Variants in ARHGEF33 observed in about 807,000 individuals in gnomAD.
ARHGEF33 encodes DH and coiled-coil domain-containing protein ENSP00000381780.
A neutral mutation model predicts 101.9 loss-of-function variants in ARHGEF33; 72 were observed. The ratio of observed to expected loss-of-function variants is 0.71; its 90% confidence interval spans 0.58 to 0.86. ARHGEF33 has a LOEUF of 0.86. ARHGEF33 is among the 40% of genes least tolerant of loss of function. ARHGEF33 has a pLI of 0.00. For synonymous variants in ARHGEF33, 499 were observed against 442.5 expected (o/e 1.13, Z -1.60); for missense variants, 1,169 against 1,111.3 (o/e 1.05, Z -0.74).
chr2:38,896,783 C>A (rs1418846855), intron 2 of ARHGEF33, among the ~76,000 whole-genome samples: 1 of 152,200 alleles, frequency 6.6e-6, no homozygotes, highest in Non-Finnish European at 1.5e-5. Context: ...CAAACGTGAT[C>A]ATGACAGAAG....
chr2:38,916,006 G>A (rs944091346), intron 2 of ARHGEF33, among the ~76,000 whole-genome samples: 1 of 152,094 alleles, frequency 6.6e-6, no homozygotes, highest in African/African-American at 2.4e-5. Context: ...AGCCTGGGAA[G>A]AGCAAGACTC....
intron 7 of ARHGEF33, among the ~76,000 whole-genome samples, chr2:38,932,619 A>G (rs1254059549): frequency 6.6e-6 from 1 of 152,130 alleles, no homozygotes; most frequent in East Asian, 1.9e-4. Context: ...ATAGTATAGG[A>G]TAGGCTTAGA....
At chr2:38,894,178 A>G (rs1219221309) in intron 1 of ARHGEF33, among the ~76,000 whole-genome samples, 1 of 151,862 alleles carries the variant, frequency 6.6e-6, no homozygotes, top group African/African-American at 2.4e-5. Flanking sequence ...ACAAAAAACA[A>G]AAAAATTAGC....
chr2:38,924,691 G>C (rs74585063), intron 4 of ARHGEF33, among the ~76,000 whole-genome samples: 2,038 of 152,180 alleles, frequency 0.013, 51 homozygotes, highest in East Asian at 0.064. Flanking sequence ...TGTAATGTTT[G>C]CAAGAATATA....
chr2:38,958,308 C>A, intron 15 of ARHGEF33, 110 bp downstream of exon 15: 5 of 1,347,506 alleles, frequency 3.7e-6, no homozygotes, highest in Non-Finnish European at 5.0e-6. Flanking sequence ...CCCCATCAGG[C>A]CTATATGTGC....
intron 2 of ARHGEF33, among the ~76,000 whole-genome samples, chr2:38,905,041 A>T (rs1179764677): frequency 6.6e-6 from 1 of 152,188 alleles, no homozygotes; most frequent in Admixed American, 6.6e-5. Context: ...TGGCAGAGCT[A>T]GTGGAACCTG....
rs1271546895 is a variant in ARHGEF33, at chr2:38,973,720, TG to T, written c.2492del (p.Gly831AspfsTer53). On this transcript the variant is annotated frameshift_variant, in exon 18 of 18. Coordinates refer to ENST00000409978, the MANE Select transcript of ARHGEF33 (RefSeq NM_001145451.5). LOFTEE classifies it high-confidence loss of function. ...FRKLFKKKSS[G>X]SEYREKTNEN... ...CTGTGTGCTGAGATTTTAGGTCCAG[TG>T]GATCAGAATACAGGGAAAAAACTAA... The T allele has an allele frequency of 6.5e-7, 1 of 1,532,722 alleles. No individual in the cohort carries two copies. Among genetic ancestry groups the T allele is most frequent in the Non-Finnish European group, 8.8e-7 (1 of 1,138,398 alleles). The allele number at this position is 1,532,722 out of a possible 1,614,324, so 94.9% of individuals were successfully genotyped here. A position where few individuals can be genotyped will look rare whatever the true frequency, so the allele number is the denominator to read the frequency against.
intron 9 of ARHGEF33, 25 bp from the exon 10 acceptor site, chr2:38,943,876 A>G (rs1182458126): frequency 1.7e-5 from 27 of 1,548,126 alleles, no homozygotes; most frequent in Non-Finnish European, 2.4e-5. Context: ...GTTAATATCA[A>G]GTCCTCTTTG....
At chr2:38,936,445 G>A (rs1667131809) in intron 8 of ARHGEF33, among the ~76,000 whole-genome samples, 1 of 152,130 alleles carries the variant, frequency 6.6e-6, no homozygotes, top group South Asian at 2.1e-4. Context: ...AGCATCTGGT[G>A]TGCTCACCTG....
intron 9 of ARHGEF33, among the ~76,000 whole-genome samples, chr2:38,941,243 TATC>T (rs1243827409): frequency 6.6e-6 from 1 of 152,186 alleles, no homozygotes; most frequent in African/African-American, 2.4e-5. Flanking sequence ...GAAGGGCTAT[TATC>T]ATCCTTGCTT....
chr2:38,910,668 T>G (rs907944392), intron 2 of ARHGEF33, among the ~76,000 whole-genome samples: 1 of 152,228 alleles, frequency 6.6e-6, no homozygotes, highest in Non-Finnish European at 1.5e-5. Context: ...GAATTGGTGG[T>G]TACATCCCTC....
In ARHGEF33 at chr2:38,966,074, C is replaced by G. The variant is rs1184969477; in HGVS notation, c.2412C>G (p.Phe804Leu). Residue 804 changes from phenylalanine to leucine, a missense_variant, in exon 17 of 18, where the codon TTC (phenylalanine) becomes TTG (leucine). Transcript: ENST00000409978. ...KEERESEQTS[F>L]SDQNPRQDQK... Reference sequence around the variant, plus strand: ...AAAGAGAAAGTGAACAAACATCTTTCAGCGATCAAAATCCCAGGCAAGACC... The same window carrying G: ...AAAGAGAAAGTGAACAAACATCTTTGAGCGATCAAAATCCCAGGCAAGACC... 3 of 1,551,728 alleles carry G rather than the reference C, an allele frequency of 1.9e-6. No homozygotes were observed. The highest frequency in any genetic ancestry group is 3.9e-5 in the Admixed American group (2 of 51,012).
At chr2:38,898,911 G>A (rs956175269) in intron 2 of ARHGEF33, among the ~76,000 whole-genome samples, 3 of 152,152 alleles carry the variant, frequency 2.0e-5, no homozygotes, top group African/African-American at 7.2e-5. Flanking sequence ...CTTTGCCAAA[G>A]GGTAGTGCTC....
chr2:38,948,819 C>T (rs980290127), intron 10 of ARHGEF33, among the ~76,000 whole-genome samples: 1 of 152,180 alleles, frequency 6.6e-6, no homozygotes, highest in Non-Finnish European at 1.5e-5. Flanking sequence ...ACTTTCAGTA[C>T]AATCAGTTGT....
intron 16 of ARHGEF33, among the ~76,000 whole-genome samples, chr2:38,961,340 G>A (rs1667933442): frequency 6.6e-6 from 1 of 152,042 alleles, no homozygotes; most frequent in African/African-American, 2.4e-5. Flanking sequence ...GAATGTTGAG[G>A]TATTCTGATG....
intron 17 of ARHGEF33, among the ~76,000 whole-genome samples, chr2:38,968,758 G>T (rs1019344352): frequency 6.6e-6 from 1 of 152,236 alleles, no homozygotes; most frequent in African/African-American, 2.4e-5. Flanking sequence ...GAGCCACAAA[G>T]AAGACTGTCT....
chr2:38,951,172 T>C, intron 11 of ARHGEF33, 51 bp downstream of exon 11: 8 of 1,520,952 alleles, frequency 5.3e-6, no homozygotes, highest in Non-Finnish European at 6.2e-6. Flanking sequence ...GATTTGTGTC[T>C]CATTTGTCTA....
At chr2:38,899,648 G>A (rs1388443522) in intron 2 of ARHGEF33, among the ~76,000 whole-genome samples, 1 of 152,020 alleles carries the variant, frequency 6.6e-6, no homozygotes, top group African/African-American at 2.4e-5. Context: ...TGCATAACAG[G>A]CTGACTTTAG....
chr2:38,962,234 G>A (rs917483723), intron 16 of ARHGEF33, among the ~76,000 whole-genome samples: 7 of 152,210 alleles, frequency 4.6e-5, no homozygotes, highest in African/African-American at 1.4e-4. Flanking sequence ...GAAAGGGGAA[G>A]TAAATGGAAA....
Sources: gnomAD v4.1 joint callset for allele counts (sites outside exome capture counted in the v4.1 genomes callset) on GRCh38, gnomAD v4.1.1 for gene constraint, MANE v1.5 for transcripts, NCBI Gene and HGNC (gene_info 2026-07-23, HGNC 2026-07-21) for gene names.